The following ABCB5 variants were observed in gnomAD, a reference collection of about 807,000 sequenced individuals.
The protein encoded by ABCB5 is ATP binding cassette subfamily B member 5.
A neutral mutation model predicts 144.2 loss-of-function variants in ABCB5; 155 were observed. The observed-to-expected ratio is 1.08, with a 90% CI of 0.94 to 1.23. The LOEUF (loss-of-function observed/expected upper bound fraction) is 1.23. Among genes scored for constraint, ABCB5 ranks in the 50% most tolerant of loss-of-function variants. The pLI, the probability that ABCB5 is intolerant of heterozygous loss-of-function variation, is 0.00. For synonymous variants in ABCB5, 610 were observed against 528.6 expected (o/e 1.15, Z -2.11); for missense variants, 1,830 against 1,520.8 (o/e 1.20, Z -3.38).
chr7:20,660,253 G>A, intron 14 of ABCB5: 3 of 985,232 alleles, frequency 3.0e-6, no homozygotes, highest in Non-Finnish European at 3.6e-6. Context: ...TAGCAACTGT[G>A]AAAAAAATGA....
At chr7:20,755,048 C>A (rs1156425628) in intron 27 of ABCB5, among the ~76,000 whole-genome samples, 1 of 152,120 alleles carries the variant, frequency 6.6e-6, no homozygotes, top group Non-Finnish European at 1.5e-5. Flanking sequence ...CTCCCAGGGT[C>A]AAGCGATTGT....
rs1263986235 is a variant in ABCB5 at position 20,645,871 on chromosome 7, A to C, written c.794A>C (p.Glu265Ala). ...TVIAFRAQEK[E>A]LQRYTQNLKD... Reference sequence around the variant, plus strand: ...ATAGCCTTTAGGGCCCAGGAGAAAGAACTTCAAAGGTCTTTCCTTTTAAAT... The same window carrying C: ...ATAGCCTTTAGGGCCCAGGAGAAAGCACTTCAAAGGTCTTTCCTTTTAAAT... The change falls in exon 8 of 28, where the codon GAA (glutamate) becomes GCA (alanine). Residue 265 changes from glutamate to alanine, a missense_variant. Physicochemically the swap from Glu to Ala is moderately radical, Grantham distance 107. Transcript: ENST00000404938. 6.2e-7 allele frequency: 1 copy of C among 1,613,546 alleles called. No individual in the cohort carries two copies. The highest frequency in any genetic ancestry group is 1.1e-5 in the South Asian group (1 of 91,012).
intron 9 of ABCB5, among the ~76,000 whole-genome samples, chr7:20,646,577 G>A (rs1784416510): frequency 6.6e-6 from 1 of 152,194 alleles, no homozygotes; most frequent in Non-Finnish European, 1.5e-5. Flanking sequence ...CTTTCAGCAT[G>A]TAGTAATTTA....
chr7:20,696,676 A>C (rs1253220972), intron 16 of ABCB5, among the ~76,000 whole-genome samples: 1 of 152,094 alleles, frequency 6.6e-6, no homozygotes, highest in Non-Finnish European at 1.5e-5. Context: ...AATACTCGTC[A>C]TATCTCTTTA....
chr7:20,728,255 T>C, intron 22 of ABCB5, 60 bp from the exon 23 acceptor site: 3 of 1,568,714 alleles, frequency 1.9e-6, no homozygotes, highest in Non-Finnish European at 2.6e-6. Flanking sequence ...ACTCTACATG[T>C]ATTCAATTGA....
chr7:20,672,841 T>C (rs947516932), intron 14 of ABCB5, among the ~76,000 whole-genome samples: 1 of 152,180 alleles, frequency 6.6e-6, no homozygotes, highest in Admixed American at 6.5e-5. Flanking sequence ...TGTTCATATA[T>C]GTGTGAGTTG....
rs1418002297 is a variant in ABCB5 at position 20,669,440 on chromosome 7, G to A, written c.1707+10764G>A. On this transcript the variant is annotated intron_variant, in intron 14 of 27. Coordinates refer to ENST00000404938, the MANE Select transcript of ABCB5 (RefSeq NM_001163941.2). The stretch of plus-strand genomic sequence containing the variant: ...TCTGTGACCTTATCCCCAACCCTGT[G>A]CTCTCTGAAACATGTGCTGTGTCCA... Among the ~76,000 whole-genome samples, 733 of 138,272 alleles carry A rather than the reference G, an allele frequency of 5.3e-3. 3 individuals carry two copies. The highest frequency in any genetic ancestry group is 0.02 in the African/African-American group (697 of 34,418). 90.7% of individuals were successfully genotyped at this position (138,272 alleles called of 152,430 possible). A position where few individuals can be genotyped will look rare whatever the true frequency, so the allele number is the denominator to read the frequency against.
chr7:20,734,682 T>C (rs567584977), intron 23 of ABCB5, among the ~76,000 whole-genome samples: 13 of 152,196 alleles, frequency 8.5e-5, no homozygotes, highest in Admixed American at 7.2e-4. Context: ...GCATGTCTTA[T>C]GGTAGAAGCC....
intron 26 of ABCB5, among the ~76,000 whole-genome samples, chr7:20,747,931 G>A (rs1163863359): frequency 6.6e-6 from 1 of 152,134 alleles, no homozygotes; most frequent in Non-Finnish European, 1.5e-5. Context: ...TGCTCAGTTG[G>A]CTGGGAAAAA....
At chr7:20,706,346 G>C (rs1786821516) in intron 20 of ABCB5, among the ~76,000 whole-genome samples, 1 of 152,142 alleles carries the variant, frequency 6.6e-6, no homozygotes, top group Non-Finnish European at 1.5e-5. Context: ...TCTTTTGAGT[G>C]AAACAGGCAT....
chr7:20,751,550 A>G (rs1782931335), intron 26 of ABCB5, among the ~76,000 whole-genome samples: 1 of 152,284 alleles, frequency 6.6e-6, no homozygotes, highest in South Asian at 2.1e-4. Flanking sequence ...CTCTCCTACA[A>G]TCCAGGGAAG....
Position 20,753,284 on chromosome 7 carries a change from A to T in ABCB5, c.3430-76A>T, listed in dbSNP as rs1782987323. On this transcript the variant is annotated intron_variant, in intron 26 of 27. Coordinates refer to ENST00000404938, the MANE Select transcript of ABCB5 (RefSeq NM_001163941.2). ...GAGTAGCAAAATTTGAAATATTTAG[A>T]TGGTTCTCGCCCACAGTTGCCATGC... 5 of 1,508,322 alleles carry T rather than the reference A, an allele frequency of 3.3e-6. No individual in the cohort carries two copies. In the South Asian group the frequency reaches 5.2e-5, roughly 16 times the overall value. 93.4% of individuals were successfully genotyped at this position (1,508,322 alleles called of 1,614,324 possible).
intron 24 of ABCB5, among the ~76,000 whole-genome samples, chr7:20,739,578 T>A (rs1029816338): frequency 6.6e-6 from 1 of 152,150 alleles, no homozygotes; most frequent in Non-Finnish European, 1.5e-5. Context: ...TTATATTTCA[T>A]ATTTTAAAAT....
chr7:20,647,716 C>G, intron 10 of ABCB5, 68 bp downstream of exon 10: 2 of 1,524,084 alleles, frequency 1.3e-6, no homozygotes, highest in Non-Finnish European at 1.8e-6. Flanking sequence ...AAACATACAC[C>G]CTCATTTTCA....
At chr7:20,749,346 C>T (rs1349306053) in intron 26 of ABCB5, among the ~76,000 whole-genome samples, 1 of 150,912 alleles carries the variant, frequency 6.6e-6, no homozygotes. Flanking sequence ...TCCCACCTCA[C>T]CCTCCCCGGG....
chr7:20,667,331 G>T, intron 14 of ABCB5: 1 of 984,754 alleles, frequency 1.0e-6, no homozygotes, highest in South Asian at 4.7e-5. Context: ...AAACACCTGT[G>T]AAGTGAATCC....
chr7:20,640,932 T>A (rs1046300807), intron 5 of ABCB5, among the ~76,000 whole-genome samples: 20 of 152,120 alleles, frequency 1.3e-4, no homozygotes, highest in African/African-American at 4.3e-4. Context: ...TCACTAACAG[T>A]CCTTGGCCCT....
chr7:20,659,837 C>T, intron 14 of ABCB5: 1 of 911,046 alleles, frequency 1.1e-6, no homozygotes, highest in Non-Finnish European at 1.3e-6. Flanking sequence ...GCGTGCATCA[C>T]CACACCCAGC....
At chr7:20,680,508 T>G (rs1012684254) in intron 14 of ABCB5, among the ~76,000 whole-genome samples, 8 of 150,722 alleles carry the variant, frequency 5.3e-5, no homozygotes, top group Admixed American at 2.0e-4. Context: ...AGACGGAGCT[T>G]GCAGTGAGCC....
Sources: allele counts gnomAD v4.1 joint callset (sites outside exome capture counted in the v4.1 genomes callset), GRCh38; gene constraint gnomAD v4.1.1; transcripts MANE v1.5; gene names NCBI Gene and HGNC (gene_info 2026-07-23, HGNC 2026-07-21).